Variants in CCDC7 observed in about 807,000 individuals in gnomAD.
CCDC7 encodes the protein coiled-coil domain containing 7.
CCDC7 carries 183 observed loss-of-function variants against 196.9 expected under a neutral mutation model. That is an observed-to-expected ratio of 0.93 (90% confidence interval 0.82 to 1.05). The LOEUF is 1.05. Among genes scored for constraint, CCDC7 ranks in the 50% least tolerant of loss-of-function variants. The probability of loss-of-function intolerance (pLI) is 0.00; values close to 1 mark genes in which losing one functional copy is unlikely to be tolerated. For missense variants in CCDC7, 1,540 were observed against 1,482.2 expected, an observed-to-expected ratio of 1.04 and a Z score of -0.64; for synonymous variants, 525 against 484.6, an observed-to-expected ratio of 1.08 and a Z score of -1.10.
chr10:32,674,695 CA>C (rs1342285915), intron 21 of CCDC7, among the ~76,000 whole-genome samples: 1 of 152,032 alleles, frequency 6.6e-6, no homozygotes, highest in Non-Finnish European at 1.5e-5. Flanking sequence ...TCTCTCTCTT[CA>C]TACCTATTAT....
At chr10:32,588,430 T>C (rs1444795955) in intron 18 of CCDC7, among the ~76,000 whole-genome samples, 1 of 152,182 alleles carries the variant, frequency 6.6e-6, no homozygotes, top group Non-Finnish European at 1.5e-5. Flanking sequence ...CATGTGGCTT[T>C]TTCCATTGTT....
At position 32,673,179 on chromosome 10, in the gene CCDC7, C is replaced by T. The variant is rs998337450; in HGVS notation, c.2122+9018C>T. On this transcript the variant is annotated intron_variant, in intron 21 of 41. Transcript: ENST00000639629. ...CTTTTATGGCAGTACATATTTTTGA[C>T]TTACTATAATATAAGCTTTGTAATG... 9.9e-5 allele frequency among the ~76,000 whole-genome samples: 15 copies of T among 152,172 alleles called. 1 individual carries two copies. The South Asian group carries it at 1.2e-3, about 13-fold the overall frequency.
intron 30 of CCDC7, among the ~76,000 whole-genome samples, chr10:32,812,117 T>C (rs1385705812): frequency 6.6e-6 from 1 of 152,036 alleles, no homozygotes; most frequent in African/African-American, 2.4e-5. Context: ...TACTGAATGA[T>C]GATAAATCGC....
At chr10:32,881,731 C>T (rs868772606), downstream of CCDC7, among the ~76,000 whole-genome samples, 6 of 152,146 alleles carry the variant, frequency 3.9e-5, no homozygotes, top group South Asian at 1.0e-3. Context: ...TTTCTTTACC[C>T]GCCCCCCACA....
chr10:32,858,483 A>G (rs1051252025), intron 41 of CCDC7, among the ~76,000 whole-genome samples: 1 of 152,212 alleles, frequency 6.6e-6, no homozygotes, highest in Non-Finnish European at 1.5e-5. Flanking sequence ...CATCATGAGC[A>G]AGTGGGATCT....
At chr10:32,489,251 A>G (rs1160671188) in intron 8 of CCDC7, among the ~76,000 whole-genome samples, 52 of 152,134 alleles carry the variant, frequency 3.4e-4, no homozygotes, top group Non-Finnish European at 4.4e-5. Context: ...GTGCAAGTCT[A>G]CTGCTGCTCT....
intron 18 of CCDC7, among the ~76,000 whole-genome samples, chr10:32,584,752 CAAAAAAAAAA>C (rs749922864): frequency 3.6e-5 from 2 of 56,316 alleles, no homozygotes. Context: ...CACTTCATCT[CAAAAAAAAAA>C]AAAAAAAAAA....
chr10:32,824,458 C>T (rs2090799403), intron 31 of CCDC7, 60 bp from the exon 33 acceptor site: 2 of 1,073,710 alleles, frequency 1.9e-6, no homozygotes, highest in South Asian at 2.8e-5. Context: ...GACACATGCA[C>T]ACACACATGT....
chr10:32,448,758 T>C (rs1274774697), upstream of CCDC7, among the ~76,000 whole-genome samples: 1 of 152,164 alleles, frequency 6.6e-6, no homozygotes, highest in African/African-American at 2.4e-5. Context: ...GAATCATGTT[T>C]ATTGTTATTA....
rs955841467 is a variant in CCDC7, at chr10:32,820,040, A to G, written c.3182-4478A>G. On this transcript the variant is annotated intron_variant, in intron 31 of 41. Transcript: ENST00000639629. ...GAAGTCACATTGTCCGTGTTTGGAG[A>G]TGACATGATTGTATATCTAGAAAAC... Among the ~76,000 whole-genome samples the G allele has an allele frequency of 2.0e-5, 3 of 152,186 alleles. No homozygotes were observed. In the South Asian group the frequency reaches 6.2e-4, roughly 32 times the overall value.
At chr10:32,720,857 C>T (rs930019466) in intron 25 of CCDC7, among the ~76,000 whole-genome samples, 4 of 152,032 alleles carry the variant, frequency 2.6e-5, no homozygotes, top group East Asian at 1.9e-4. Context: ...TTTGGGAGAC[C>T]GAAGTGGGTA....
chr10:32,680,415 C>A (rs1401713610), intron 21 of CCDC7, among the ~76,000 whole-genome samples: 1 of 146,638 alleles, frequency 6.8e-6, no homozygotes, highest in African/African-American at 2.4e-5. Context: ...TAGGGACACA[C>A]ATATGTTCTT....
At chr10:32,761,965 C>T (rs969264801) in intron 28 of CCDC7, among the ~76,000 whole-genome samples, 1 of 151,884 alleles carries the variant, frequency 6.6e-6, no homozygotes, top group Non-Finnish European at 1.5e-5. Flanking sequence ...CCACATGGAT[C>T]AATTCTCTCT....
intron 25 of CCDC7, among the ~76,000 whole-genome samples, chr10:32,714,152 G>T (rs963116413): frequency 2.6e-5 from 4 of 152,266 alleles, no homozygotes; most frequent in Admixed American, 2.6e-4. Flanking sequence ...AGCTCCCAGT[G>T]ATACCAATGC....
At chr10:32,466,662 C>G (rs2036859348) in intron 5 of CCDC7, among the ~76,000 whole-genome samples, 1 of 152,158 alleles carries the variant, frequency 6.6e-6, no homozygotes, top group African/African-American at 2.4e-5. Flanking sequence ...TTTTCTTTAT[C>G]CAGTCAACCA....
rs571391481 is a variant in CCDC7 at position 32,711,489 on chromosome 10, A to G, written c.2459-131A>G. The G allele has an allele frequency of 3.7e-5, 21 of 565,618 alleles. No homozygotes were observed. The South Asian group carries it at 4.4e-4, about 12-fold the overall frequency. 35.0% of individuals were successfully genotyped at this position (565,618 alleles called of 1,614,324 possible). A position where few individuals can be genotyped will look rare whatever the true frequency, so the allele number is the denominator to read the frequency against. On this transcript the variant is annotated intron_variant, in intron 24 of 41. Coordinates refer to ENST00000639629, the Ensembl canonical transcript of CCDC7. ...TCACCATTTTCATGTCAGAGCTAGC[A>G]TTAAGGTAGTTTACTTATAACTTTA...
intron 18 of CCDC7, among the ~76,000 whole-genome samples, chr10:32,609,882 C>T (rs2138690130): frequency 6.6e-6 from 1 of 152,246 alleles, no homozygotes; most frequent in South Asian, 2.1e-4. Context: ...TTTTCTGAGG[C>T]AGTTGACCTG....
At chr10:32,537,489 C>A (rs2050713540) in intron 11 of CCDC7, among the ~76,000 whole-genome samples, 6 of 152,064 alleles carry the variant, frequency 3.9e-5, no homozygotes, top group Admixed American at 3.9e-4. Flanking sequence ...TATGCAGAAG[C>A]TCTTTAGTTT....
chr10:32,876,278 C>A, intron 41 of CCDC7, 69 bp from the exon 43 acceptor site: 2 of 1,154,166 alleles, frequency 1.7e-6, no homozygotes, highest in Non-Finnish European at 2.5e-6. Flanking sequence ...ATATCATATA[C>A]AATAAAAATT....
Sources: gnomAD v4.1 joint callset for allele counts (sites outside exome capture counted in the v4.1 genomes callset) on GRCh38, gnomAD v4.1.1 for gene constraint, MANE v1.5 for transcripts, NCBI Gene and HGNC (gene_info 2026-07-23, HGNC 2026-07-21) for gene names.